The following MAOB variants were observed in gnomAD, a reference collection of about 807,000 sequenced individuals.
The protein encoded by MAOB is monoamine oxidase B.
In MAOB, 15 loss-of-function variants were observed where a neutral mutation model predicts 41.9. That is an observed-to-expected ratio of 0.36 (90% CI 0.24 to 0.55). MAOB has a LOEUF of 0.55. Among genes scored for constraint, MAOB ranks in the 20% least tolerant of loss-of-function variants. The pLI is 0.86. For synonymous variants in MAOB, 167 were observed against 144.2 expected, an observed-to-expected ratio of 1.16 and a Z score of -1.13; for missense variants, 345 against 398.7, an observed-to-expected ratio of 0.87 and a Z score of 1.15.
chrX:43,815,825 T>A (rs1601999732), intron 3 of MAOB, among the ~76,000 whole-genome samples: 1 of 112,153 alleles, frequency 8.9e-6, no homozygotes, highest in Non-Finnish European at 1.9e-5. Flanking sequence ...TAAAGCTGCA[T>A]GTACACATTA....
chrX:43,814,051 G>A (rs2034779542), intron 3 of MAOB, among the ~76,000 whole-genome samples: 1 of 108,890 alleles, frequency 9.2e-6, no homozygotes, highest in East Asian at 2.9e-4. Context: ...AGGTGAGGGG[G>A]GAAATCATGT....
At chrX:43,769,450 C>T in intron 12 of MAOB, 32 bp from the exon 13 acceptor site, 1 of 1,196,695 alleles carries the variant, frequency 8.4e-7, no homozygotes, top group Non-Finnish European at 1.1e-6. Context: ...CAAAAGTGGT[C>T]AGTCTCAGAG....
chrX:43,805,609 A>G lies in MAOB; in HGVS notation c.280-2205T>C, dbSNP rs6609259. On this transcript the variant is annotated intron_variant, in intron 3 of 14. Transcript: ENST00000378069. ...AGCATGACATTTCTGAGGTTTGTCC[A>G]AGTTTCCGTTTGTTCCTTTTTATTG... is the stretch of plus-strand genomic sequence containing the variant. 8.9e-5 allele frequency among the ~76,000 whole-genome samples: 10 copies of G among 111,993 alleles called. No homozygotes were observed. In the East Asian group the frequency reaches 2.2e-3, roughly 25 times the overall value.
chrX:43,803,194 C>A, intron 4 of MAOB, 106 bp downstream of exon 4: 1 of 637,231 alleles, frequency 1.6e-6, no homozygotes, highest in South Asian at 5.2e-5. Context: ...CTTTAGTTAC[C>A]ATGTGTTCAC....
At chrX:43,774,772 A>G (rs956010806) in intron 12 of MAOB, among the ~76,000 whole-genome samples, 1 of 111,952 alleles carries the variant, frequency 8.9e-6, no homozygotes, top group African/African-American at 3.3e-5. Context: ...GAACCCTTGG[A>G]CTACCTAAAA....
intron 1 of MAOB, among the ~76,000 whole-genome samples, chrX:43,848,137 T>C (rs2035222759): frequency 9.0e-6 from 1 of 111,388 alleles, no homozygotes; most frequent in African/African-American, 3.3e-5. Flanking sequence ...AGTTAGATGC[T>C]GTGGGAGACT....
chrX:43,769,166 G>C, intron 13 of MAOB, 141 bp downstream of exon 13: 1 of 942,177 alleles, frequency 1.1e-6, no homozygotes, highest in Non-Finnish European at 1.4e-6. Context: ...CTTCACCTGA[G>C]ACAATAGTTA....
chrX:43,824,045 T>C (rs911748903), intron 3 of MAOB, among the ~76,000 whole-genome samples: 1 of 112,295 alleles, frequency 8.9e-6, no homozygotes, highest in African/African-American at 3.2e-5. Flanking sequence ...TTGGTCTAAG[T>C]GTAGTTTCGA....
chrX:43,811,358 C>A (rs756610424), intron 3 of MAOB, among the ~76,000 whole-genome samples: 1 of 111,179 alleles, frequency 9.0e-6, no homozygotes, highest in Non-Finnish European at 1.9e-5. Flanking sequence ...AGATTCAGTT[C>A]CTGAGGAGTG....
chrX:43,787,445 T>C (rs976601495), intron 8 of MAOB, among the ~76,000 whole-genome samples: 1 of 111,980 alleles, frequency 8.9e-6, no homozygotes, highest in East Asian at 2.8e-4. Flanking sequence ...AACAGTACAA[T>C]GCTGCCATAG....
intron 11 of MAOB, among the ~76,000 whole-genome samples, chrX:43,778,189 G>A (rs1050657627): frequency 1.8e-5 from 2 of 111,335 alleles, no homozygotes; most frequent in African/African-American, 6.5e-5. Context: ...CAGGAGTGGG[G>A]ACAGGTAATC....
chrX:43,772,766 C>T (rs1218117541), intron 12 of MAOB, among the ~76,000 whole-genome samples: 1 of 111,161 alleles, frequency 9.0e-6, no homozygotes, highest in African/African-American at 3.3e-5. Flanking sequence ...GGGACGGATC[C>T]CTCATGGCTT....
intron 2 of MAOB, among the ~76,000 whole-genome samples, chrX:43,839,264 T>C (rs1464812331): frequency 8.9e-6 from 1 of 111,892 alleles, no homozygotes; most frequent in African/African-American, 3.2e-5. Context: ...TACCATAACA[T>C]GGCTTGGTTT....
chrX:43,769,486 GA>G (rs2034153968), intron 12 of MAOB, 68 bp from the exon 13 acceptor site: 1 of 1,121,255 alleles, frequency 8.9e-7, no homozygotes, highest in African/African-American at 1.9e-5. Flanking sequence ...TTCCCATAAA[GA>G]CCAATGCTGG....
At chrX:43,779,738 T>C (rs749380041) in intron 10 of MAOB, among the ~76,000 whole-genome samples, 1 of 111,370 alleles carries the variant, frequency 9.0e-6, no homozygotes, top group Non-Finnish European at 1.9e-5. Context: ...ACATTGGTCA[T>C]TGAGGAGAAC....
In MAOB at chrX:43,857,098, TATATATATATATATATATAGAGAGAGAG is replaced by T. The variant is rs1452832254; in HGVS notation, c.47-13362_47-13335del. ...CCTATTCTTTAAATATATATATATA[TATATATATATATATATATAGAGAGAGAG>T]AGAGAGAGAGAGAGAGAGAGAGAGA... On this transcript the variant is annotated intron_variant, in intron 1 of 14. Transcript: ENST00000378069. Among the ~76,000 whole-genome samples the T allele has an allele frequency of 1.3e-4, 3 of 22,366 alleles. 1 individual carries two copies. The Admixed American group carries it at 2.2e-3, about 17-fold the overall frequency. The allele number at this position is 22,366 out of a possible 115,157, so 19.4% of individuals were successfully genotyped here. A position where few individuals can be genotyped will look rare whatever the true frequency, so the allele number is the denominator to read the frequency against.
Position 43,806,309 on chromosome X carries a change from T to C in MAOB, c.280-2905A>G, listed in dbSNP as rs141504623. Among the ~76,000 whole-genome samples the C allele has an allele frequency of 9.6e-3, 1,076 of 112,279 alleles. 10 individuals carry two copies. Among genetic ancestry groups the C allele is most frequent in the African/African-American group, 0.033 (1,009 of 30,966 alleles). On this transcript the variant is annotated intron_variant, in intron 3 of 14. Coordinates refer to ENST00000378069, the MANE Select transcript of MAOB (RefSeq NM_000898.5). Reference sequence around the variant, plus strand: ...CTTCTTAGTCTCCTATGGTGTGTGATAGTTTCTCAGTAGTCCCTTATTTTT... The same window carrying C: ...CTTCTTAGTCTCCTATGGTGTGTGACAGTTTCTCAGTAGTCCCTTATTTTT...
chrX:43,839,203 T>C (rs942778510), intron 2 of MAOB, among the ~76,000 whole-genome samples, 198 bp from the exon 3 acceptor site: 1 of 111,926 alleles, frequency 8.9e-6, no homozygotes, highest in Non-Finnish European at 1.9e-5. Context: ...TAAAGCAAAA[T>C]TGATTGAACT....
intron 5 of MAOB, among the ~76,000 whole-genome samples, chrX:43,799,368 T>C (rs1458005582): frequency 1.8e-5 from 2 of 112,330 alleles, no homozygotes; most frequent in African/African-American, 6.5e-5. Context: ...CCTAAAATCC[T>C]ATTTCTTTTC....
Sources: gnomAD v4.1 joint callset for allele counts (sites outside exome capture counted in the v4.1 genomes callset) on GRCh38, gnomAD v4.1.1 for gene constraint, MANE v1.5 for transcripts, NCBI Gene and HGNC (gene_info 2026-07-23, HGNC 2026-07-21) for gene names.